SLC15A1: variants seen among roughly 807,000 people sequenced by gnomAD.
The protein encoded by SLC15A1 is solute carrier family 15 member 1, also known as Caco-2 oligopeptide transporter.
In SLC15A1, 83 loss-of-function variants were observed where a neutral mutation model predicts 92.9. That is an observed-to-expected ratio of 0.89 (90% CI 0.75 to 1.07). The LOEUF (loss-of-function observed/expected upper bound fraction) is 1.07. Among genes scored for constraint, SLC15A1 ranks in the 50% least tolerant of loss-of-function variants. The pLI, the probability that SLC15A1 is intolerant of heterozygous loss-of-function variation, is 0.00. For synonymous variants in SLC15A1, 322 were observed against 318.2 expected (o/e 1.01, Z -0.13); for missense variants, 857 against 880.1 (o/e 0.97, Z 0.33).
Position 98,715,931 on chromosome 13 carries a change from T to A in SLC15A1, c.670A>T (p.Lys224Ter). The A allele has an allele frequency of 2.5e-6, 4 of 1,614,134 alleles. No individual in the cohort carries two copies. Among genetic ancestry groups the A allele is most frequent in the Non-Finnish European group, 3.4e-6 (4 of 1,180,004 alleles). ...ATGTTGCCCTGTGGCTTGAACTTCTTGTACATCCCACTGCCAAGGACAAAC... is the reference window on the plus strand; with the variant it reads ...ATGTTGCCCTGTGGCTTGAACTTCTAGTACATCCCACTGCCAAGGACAAAC... ...IVFVLGSGMY[K>*]KFKPQGNIMG... Residue 224 changes from lysine to a stop codon, truncating the protein, a stop_gained, in exon 9 of 23, where the codon AAG (lysine) becomes TAG (stop). Coordinates refer to ENST00000376503, the MANE Select transcript of SLC15A1 (RefSeq NM_005073.4). LOFTEE classifies it high-confidence loss of function.
intron 1 of SLC15A1, among the ~76,000 whole-genome samples, chr13:98,734,480 C>T (rs1418902170): frequency 2.6e-5 from 4 of 152,106 alleles, no homozygotes; most frequent in Non-Finnish European, 4.4e-5. Flanking sequence ...AGTGGAGCAT[C>T]GCCTTACCTG....
intron 1 of SLC15A1, among the ~76,000 whole-genome samples, chr13:98,733,112 A>C (rs1453559374): frequency 6.6e-6 from 1 of 152,102 alleles, no homozygotes; most frequent in African/African-American, 2.4e-5. Flanking sequence ...TGGCCTGGAG[A>C]AGCTGGAAAA....
intron 1 of SLC15A1, among the ~76,000 whole-genome samples, chr13:98,727,739 C>T (rs2088314284): frequency 6.6e-6 from 1 of 152,224 alleles, no homozygotes; most frequent in South Asian, 2.1e-4. Flanking sequence ...CCTACACAAA[C>T]ACATTGCCCT....
At chr13:98,703,757 T>A (rs1182473629) in intron 17 of SLC15A1, among the ~76,000 whole-genome samples, 1 of 151,928 alleles carries the variant, frequency 6.6e-6, no homozygotes, top group Non-Finnish European at 1.5e-5. Flanking sequence ...GGGGTCTCAC[T>A]GCGTTGTCCA....
At chr13:98,723,220 A>T (rs1003792498) in intron 5 of SLC15A1, among the ~76,000 whole-genome samples, 3 of 152,160 alleles carry the variant, frequency 2.0e-5, no homozygotes, top group Non-Finnish European at 2.9e-5. Context: ...AGAGTGTTGC[A>T]TCAAGAGATC....
chr13:98,748,780 A>C (rs982920912), intron 1 of SLC15A1, among the ~76,000 whole-genome samples: 1 of 152,176 alleles, frequency 6.6e-6, no homozygotes, highest in African/African-American at 2.4e-5. Context: ...GTCAAAAAAA[A>C]GAACCCAGGG....
At chr13:98,737,935 G>A (rs114624722) in intron 1 of SLC15A1, among the ~76,000 whole-genome samples, 235 of 152,354 alleles carry the variant, frequency 1.5e-3, no homozygotes, top group African/African-American at 5.5e-3. Context: ...AGGTCAGGCT[G>A]AAGAGGTCTC....
chr13:98,684,969 T>C (rs2087919239), intron 22 of SLC15A1, 54 bp from the exon 23 acceptor site: 17 of 1,439,324 alleles, frequency 1.2e-5, no homozygotes, highest in Non-Finnish European at 1.5e-5. Context: ...AAACAGGTCA[T>C]ACTGATGAAT....
At chr13:98,739,650 G>A (rs1302289965) in intron 1 of SLC15A1, among the ~76,000 whole-genome samples, 2 of 152,096 alleles carry the variant, frequency 1.3e-5, no homozygotes, top group Non-Finnish European at 2.9e-5. Flanking sequence ...CCCCAGAAGT[G>A]AGCAGATGCC....
chr13:98,741,440 C>T (rs556544670), intron 1 of SLC15A1, among the ~76,000 whole-genome samples: 2 of 152,280 alleles, frequency 1.3e-5, no homozygotes, highest in East Asian at 3.9e-4. Context: ...TGGTGAAACC[C>T]CATCTCTACT....
chr13:98,719,211 T>C, intron 8 of SLC15A1, 26 bp downstream of exon 8: 2 of 1,576,528 alleles, frequency 1.3e-6, no homozygotes, highest in Non-Finnish European at 8.7e-7. Context: ...CCTAGGCTTC[T>C]ATTAATTCAA....
At chr13:98,734,235 G>T (rs905725013) in intron 1 of SLC15A1, among the ~76,000 whole-genome samples, 2 of 152,166 alleles carry the variant, frequency 1.3e-5, no homozygotes, top group African/African-American at 4.8e-5. Flanking sequence ...AAAGTGCTGG[G>T]ATTATAGGCA....
Position 98,721,506 on chromosome 13 carries a change from G to A in SLC15A1, c.545C>T (p.Pro182Leu). ...CAGGTATCTCTTACCTCTGAGCATG[G>A]GTGTGATGATTGTGGAAAGCAAACT... ...AGSLLSTIIT[P>L]MLRVQQCGIH... Residue 182 changes from proline to leucine, a missense_variant, in exon 7 of 23, where the codon CCC (proline) becomes CTC (leucine). Pro to Leu is a moderately conservative substitution (Grantham distance 98). Transcript: ENST00000376503. The A allele has an allele frequency of 6.2e-7, 1 of 1,612,318 alleles. No homozygotes were observed. Among genetic ancestry groups the A allele is most frequent in the South Asian group, 1.1e-5 (1 of 90,994 alleles).
At chr13:98,696,146 G>A (rs959047591) in intron 18 of SLC15A1, among the ~76,000 whole-genome samples, 19 of 151,850 alleles carry the variant, frequency 1.3e-4, no homozygotes, top group African/African-American at 4.3e-4. Context: ...GGGCACGGTG[G>A]CTCGCAACTG....
intron 9 of SLC15A1, among the ~76,000 whole-genome samples, chr13:98,715,532 G>A (rs984830713): frequency 6.6e-6 from 1 of 152,144 alleles, no homozygotes; most frequent in African/African-American, 2.4e-5. Flanking sequence ...CTGAACACCT[G>A]AGACTCTTGC....
intron 18 of SLC15A1, among the ~76,000 whole-genome samples, chr13:98,697,060 T>A (rs1392938521): frequency 6.6e-6 from 1 of 151,998 alleles, no homozygotes; most frequent in East Asian, 1.9e-4. Flanking sequence ...TTTCTTTTCT[T>A]TTTTTTTCTT....
At chr13:98,718,264 G>C (rs1022070618) in intron 8 of SLC15A1, among the ~76,000 whole-genome samples, 26 of 141,678 alleles carry the variant, frequency 1.8e-4, no homozygotes, top group Non-Finnish European at 2.7e-4. Context: ...TTTTAGCCTT[G>C]GGTTCAGCTA....
intron 8 of SLC15A1, among the ~76,000 whole-genome samples, chr13:98,718,157 A>G (rs2088225390): frequency 6.6e-6 from 1 of 152,080 alleles, no homozygotes; most frequent in African/African-American, 2.4e-5. Flanking sequence ...AATTATGGAA[A>G]TGTAGATGTT....
intron 1 of SLC15A1, among the ~76,000 whole-genome samples, chr13:98,740,370 T>C (rs775706046): frequency 1.3e-5 from 2 of 152,120 alleles, no homozygotes; most frequent in Non-Finnish European, 2.9e-5. Flanking sequence ...AGAACCTTGC[T>C]CCCAAACCTT....
Sources: gnomAD v4.1 joint callset for allele counts (sites outside exome capture counted in the v4.1 genomes callset) on GRCh38, gnomAD v4.1.1 for gene constraint, MANE v1.5 for transcripts, NCBI Gene and HGNC (gene_info 2026-07-23, HGNC 2026-07-21) for gene names.